The following ADGRL3 variants were observed in gnomAD, a reference collection of about 807,000 sequenced individuals.
ADGRL3 encodes the protein adhesion G protein-coupled receptor L3.
Under a neutral mutation model 153.5 loss-of-function variants are expected in ADGRL3, and 62 were observed. That is an observed-to-expected ratio of 0.40 (90% CI 0.33 to 0.50). The LOEUF (loss-of-function observed/expected upper bound fraction) is 0.50, where lower values mean the gene tolerates loss of function less well. ADGRL3 is among the 20% of genes least tolerant of loss of function. The pLI, the probability that ADGRL3 is intolerant of heterozygous loss-of-function variation, is 0.47. For synonymous variants in ADGRL3, 710 were observed against 672.5 expected, an observed-to-expected ratio of 1.06 and a Z score of -0.86; for missense variants, 1,641 against 1,859.4, an observed-to-expected ratio of 0.88 and a Z score of 2.16.
intron 2 of ADGRL3, among the ~76,000 whole-genome samples, chr4:61,469,281 AC>A (rs1313782146): frequency 5.9e-5 from 9 of 152,068 alleles, no homozygotes; most frequent in Non-Finnish European, 1.5e-5. Flanking sequence ...CAGTTTCCTC[AC>A]CTGTAAAGTC....
chr4:61,212,835 C>G (rs1178409931), intron 1 of ADGRL3, among the ~76,000 whole-genome samples: 4 of 152,154 alleles, frequency 2.6e-5, no homozygotes, highest in African/African-American at 9.6e-5. Flanking sequence ...AATTAGTATG[C>G]TGTCAACATT....
chr4:61,287,780 C>T (rs1446361219), intron 1 of ADGRL3, among the ~76,000 whole-genome samples: 2 of 151,880 alleles, frequency 1.3e-5, no homozygotes, highest in Non-Finnish European at 2.9e-5. Flanking sequence ...TGCCCTAACT[C>T]AATCAAGGCT....
At chr4:61,253,959 A>C (rs1218806072) in intron 1 of ADGRL3, among the ~76,000 whole-genome samples, 1 of 152,160 alleles carries the variant, frequency 6.6e-6, no homozygotes, top group Non-Finnish European at 1.5e-5. Context: ...TTCCCAAATT[A>C]AGCCTCCACC....
chr4:61,593,491 C>T (rs2098977589), intron 5 of ADGRL3, among the ~76,000 whole-genome samples: 1 of 151,992 alleles, frequency 6.6e-6, no homozygotes, highest in Non-Finnish European at 1.5e-5. Flanking sequence ...GATGAAATCA[C>T]TCACCTTTTG....
rs547631722 is a variant in ADGRL3 at position 61,580,288 on chromosome 4, G to T, written c.260-6939G>T. Among the ~76,000 whole-genome samples the T allele has an allele frequency of 2.7e-4, 41 of 151,748 alleles. 1 individual carries two copies. In the South Asian group the frequency reaches 8.1e-3, roughly 30 times the overall value. On this transcript the variant is annotated intron_variant, in intron 4 of 26. Transcript: ENST00000683033. The stretch of plus-strand genomic sequence containing the variant: ...TTCAAAAGAGCTCTTTTTTTCATAT[G>T]ATCAGTGAGATGCAGGGGCAAAAAA...
At chr4:61,647,272 C>G (rs1219981881) in intron 5 of ADGRL3, among the ~76,000 whole-genome samples, 1 of 152,078 alleles carries the variant, frequency 6.6e-6, no homozygotes, top group Non-Finnish European at 1.5e-5. Context: ...TAGACCAGAG[C>G]TTTTCCTATT....
intron 2 of ADGRL3, among the ~76,000 whole-genome samples, chr4:61,465,758 A>AATATATATATATAT (rs10701021): frequency 0.13 from 17,461 of 129,540 alleles, 1,377 homozygotes; most frequent in Non-Finnish European, 0.17. Context: ...ATTATATATA[A>AATATATATATATAT]ATATATATAT....
Position 61,594,053 on chromosome 4 carries a change from T to G in ADGRL3, c.473+6613T>G, listed in dbSNP as rs548909669. On this transcript the variant is annotated intron_variant, in intron 5 of 26. Coordinates refer to ENST00000683033, the MANE Select transcript of ADGRL3 (RefSeq NM_001387552.1). ...ATAGACTGCCTTCTATTTCACTAAT[T>G]CTTTCTCTGTTTGATCAATTCTGCT... Among the ~76,000 whole-genome samples, 5 of 152,300 alleles carry G rather than the reference T, an allele frequency of 3.3e-5. 1 individual carries two copies. Among genetic ancestry groups the G allele is most frequent in the African/African-American group, 1.2e-4 (5 of 41,574 alleles).
At chr4:61,577,824 G>GA (rs965279658) in intron 4 of ADGRL3, among the ~76,000 whole-genome samples, 12 of 93,762 alleles carry the variant, frequency 1.3e-4, no homozygotes, top group African/African-American at 2.4e-4. Context: ...TAAAAAAAAA[G>GA]AAAAAAAAAG....
intron 5 of ADGRL3, among the ~76,000 whole-genome samples, chr4:61,669,084 C>T (rs1345599464): frequency 6.6e-6 from 1 of 152,128 alleles, no homozygotes; most frequent in Non-Finnish European, 1.5e-5. Flanking sequence ...TTAAATTGCC[C>T]TTAAATTGTA....
chr4:61,302,549 T>G (rs1366311551), intron 1 of ADGRL3, among the ~76,000 whole-genome samples: 1 of 152,194 alleles, frequency 6.6e-6, no homozygotes, highest in Non-Finnish European at 1.5e-5. Flanking sequence ...AAAATTCTTT[T>G]GTCATAGATG....
intron 4 of ADGRL3, among the ~76,000 whole-genome samples, chr4:61,574,920 T>C (rs2098862076): frequency 6.6e-6 from 1 of 151,822 alleles, no homozygotes; most frequent in African/African-American, 2.4e-5. Context: ...ATTAGAAGGC[T>C]TATATATTAT....
intron 1 of ADGRL3, among the ~76,000 whole-genome samples, chr4:61,257,645 T>TC (rs1171910696): frequency 2.0e-5 from 3 of 152,106 alleles, no homozygotes; most frequent in African/African-American, 7.2e-5. Flanking sequence ...AAAATTCAAC[T>TC]CCCCCCAAAA....
intron 6 of ADGRL3, among the ~76,000 whole-genome samples, chr4:61,704,721 C>G (rs1007087035): frequency 3.9e-5 from 6 of 152,168 alleles, no homozygotes; most frequent in Non-Finnish European, 7.3e-5. Flanking sequence ...AAATTGAAGT[C>G]CACCCTCTCA....
At chr4:61,880,120 A>G (rs950711750) in intron 9 of ADGRL3, among the ~76,000 whole-genome samples, 1 of 152,180 alleles carries the variant, frequency 6.6e-6, no homozygotes, top group Non-Finnish European at 1.5e-5. Context: ...AGAAGTTACT[A>G]AGTCCTCAAC....
intron 9 of ADGRL3, among the ~76,000 whole-genome samples, chr4:61,871,094 C>T (rs576845813): frequency 2.8e-4 from 42 of 150,238 alleles, no homozygotes; most frequent in Middle Eastern, 3.4e-3. Context: ...CTGGCTAACA[C>T]GGTGAAACCC....
intron 2 of ADGRL3, among the ~76,000 whole-genome samples, chr4:61,482,519 T>A (rs2152741643): frequency 6.6e-6 from 1 of 152,240 alleles, no homozygotes; most frequent in South Asian, 2.1e-4. Context: ...TGCTCCTGAA[T>A]TGTCCTTGTG....
intron 5 of ADGRL3, among the ~76,000 whole-genome samples, chr4:61,591,713 C>G (rs1166893542): frequency 6.6e-6 from 1 of 151,478 alleles, no homozygotes; most frequent in Admixed American, 6.6e-5. Context: ...TTTAAAGGAG[C>G]GATCTAAGTT....
In ADGRL3 at chr4:62,011,754, T is replaced by C. The variant is rs183430560; in HGVS notation, c.3395+13489T>C. Reference sequence around the variant, plus strand: ...AAATGAACAAAACTTTTTTAAAATATAAAAGCCAATTTTTCACCAGTTAGT... The same window carrying C: ...AAATGAACAAAACTTTTTTAAAATACAAAAGCCAATTTTTCACCAGTTAGT... On this transcript the variant is annotated intron_variant, in intron 21 of 26. Transcript: ENST00000683033. Among the ~76,000 whole-genome samples, 504 of 152,258 alleles carry C rather than the reference T, an allele frequency of 3.3e-3. 6 individuals are homozygous for C. In the South Asian group the frequency reaches 0.038, roughly 11 times the overall value.
Sources: gnomAD v4.1 joint callset for allele counts (sites outside exome capture counted in the v4.1 genomes callset) on GRCh38, gnomAD v4.1.1 for gene constraint, MANE v1.5 for transcripts, NCBI Gene and HGNC (gene_info 2026-07-23, HGNC 2026-07-21) for gene names.